DPY19L2: variants seen among roughly 807,000 people sequenced by gnomAD.
The protein encoded by DPY19L2 is dpy-19 like 2.
A neutral mutation model predicts 97.9 loss-of-function variants in DPY19L2; 34 were observed. That is an observed-to-expected ratio of 0.35 (90% CI 0.26 to 0.46). DPY19L2 has a LOEUF of 0.46. DPY19L2 is among the 20% of genes least tolerant of loss of function. DPY19L2 has a pLI of 1.00. For missense variants in DPY19L2, 623 were observed against 911.4 expected (o/e 0.68, Z 4.07); for synonymous variants, 230 against 307.9 (o/e 0.75, Z 2.65).
At chr12:63,627,473 C>A (rs1398534993) in intron 6 of DPY19L2, among the ~76,000 whole-genome samples, 1 of 152,098 alleles carries the variant, frequency 6.6e-6, no homozygotes, top group East Asian at 1.9e-4. Flanking sequence ...GCCTCAGCCT[C>A]CCGAGTAGCT....
At chr12:63,663,624 A>G (rs1335473124) in intron 3 of DPY19L2, 134 bp downstream of exon 3, 3 of 708,996 alleles carry the variant, frequency 4.2e-6, no homozygotes, top group Non-Finnish European at 6.9e-6. Flanking sequence ...TTACTATTTA[A>G]ATAATAAACC....
intron 3 of DPY19L2, among the ~76,000 whole-genome samples, chr12:63,663,232 C>T (rs962736527): frequency 3.9e-5 from 6 of 152,086 alleles, no homozygotes; most frequent in African/African-American, 1.4e-4. Context: ...TTGGCATTTG[C>T]TATCCCGCTT....
At chr12:63,606,680 T>A (rs1165539588) in intron 12 of DPY19L2, among the ~76,000 whole-genome samples, 1 of 152,116 alleles carries the variant, frequency 6.6e-6, no homozygotes, top group East Asian at 1.9e-4. Flanking sequence ...CTAGGTGAAA[T>A]TTTGAATCTA....
chr12:63,655,871 G>C (rs941360202), intron 4 of DPY19L2, among the ~76,000 whole-genome samples: 1 of 152,194 alleles, frequency 6.6e-6, no homozygotes. Flanking sequence ...TAAAATGTCT[G>C]TAAGCAATTG....
chr12:63,644,324 T>A lies in DPY19L2; in HGVS notation c.803+79A>T, dbSNP rs905108217. ...GATATGAATCTAATCTCATTAATTT[T>A]CCTTTTCATTTAATCAACAAATATC... On this transcript the variant is annotated intron_variant, in intron 6 of 21. Coordinates refer to ENST00000324472, the MANE Select transcript of DPY19L2 (RefSeq NM_173812.5). The A allele has an allele frequency of 4.0e-5, 61 of 1,520,078 alleles. No individual in the cohort carries two copies. The African/African-American group carries it at 7.4e-4, about 18-fold the overall frequency. 94.2% of individuals were successfully genotyped at this position (1,520,078 alleles called of 1,614,324 possible).
intron 9 of DPY19L2, among the ~76,000 whole-genome samples, chr12:63,618,941 T>C (rs576638698): frequency 2.7e-4 from 41 of 152,254 alleles, no homozygotes; most frequent in African/African-American, 9.9e-4. Context: ...AATAAATATG[T>C]TATGCTTTGT....
At chr12:63,611,732 AAAATT>A (rs1218286750) in intron 11 of DPY19L2, among the ~76,000 whole-genome samples, 1 of 152,148 alleles carries the variant, frequency 6.6e-6, no homozygotes, top group Non-Finnish European at 1.5e-5. Flanking sequence ...GTAACTATCC[AAAATT>A]AAATTAAGAA....
chr12:63,629,837 AG>A (rs1226958259), intron 6 of DPY19L2, among the ~76,000 whole-genome samples: 1 of 152,194 alleles, frequency 6.6e-6, no homozygotes, highest in African/African-American at 2.4e-5. Context: ...TTACCCACAA[AG>A]GGAAGCCCAT....
At chr12:63,569,514 C>A in intron 20 of DPY19L2, 165 bp from the exon 21 acceptor site, 2 of 467,728 alleles carry the variant, frequency 4.3e-6, no homozygotes, top group South Asian at 5.7e-5. Context: ...TTTCCACATT[C>A]CTACTTATAT....
rs1442138090 is a variant in DPY19L2 at position 63,608,494 on chromosome 12, T to G, written c.1278+122A>C. ...TATCTACCTTAGATAGTAACTATTT[T>G]TAAGACAGTAGCTATTTATTAACTA... On this transcript the variant is annotated intron_variant, in intron 12 of 21. Coordinates refer to ENST00000324472, the MANE Select transcript of DPY19L2 (RefSeq NM_173812.5). 13 of 931,288 alleles carry G rather than the reference T, an allele frequency of 1.4e-5. 1 individual carries two copies. Among genetic ancestry groups the G allele is most frequent in the Non-Finnish European group, 2.1e-5 (13 of 622,070 alleles). 57.7% of individuals were successfully genotyped at this position (931,288 alleles called of 1,614,324 possible).
At chr12:63,610,875 A>AAAAAAAAAAAAAAAAAAAAAAAAAAAC (rs1367187433) in intron 11 of DPY19L2, among the ~76,000 whole-genome samples, 2 of 103,494 alleles carry the variant, frequency 1.9e-5, no homozygotes, top group East Asian at 4.4e-4. Context: ...AAAAAAAAAA[A>AAAAAAAAAAAAAAAAAAAAAAAAAAAC]CCACACACAC....
chr12:63,640,869 G>T (rs1350522377), intron 6 of DPY19L2, among the ~76,000 whole-genome samples: 2 of 151,998 alleles, frequency 1.3e-5, no homozygotes, highest in Non-Finnish European at 2.9e-5. Flanking sequence ...TTCAAAAATA[G>T]AACTTATTTA....
chr12:63,637,198 C>A (rs549562015), intron 6 of DPY19L2, among the ~76,000 whole-genome samples: 1 of 151,962 alleles, frequency 6.6e-6, no homozygotes, highest in Non-Finnish European at 1.5e-5. Flanking sequence ...GGGTACATAA[C>A]GAAATGAAAG....
intron 11 of DPY19L2, among the ~76,000 whole-genome samples, chr12:63,616,699 T>A (rs1461668292): frequency 6.6e-6 from 1 of 152,170 alleles, no homozygotes; most frequent in Non-Finnish European, 1.5e-5. Context: ...TTATTCTAAT[T>A]ATCTTGCCAT....
intron 16 of DPY19L2, among the ~76,000 whole-genome samples, chr12:63,592,500 C>A (rs1186815727): frequency 6.7e-6 from 1 of 149,860 alleles, no homozygotes; most frequent in African/African-American, 2.5e-5. Context: ...CTACAACTAT[C>A]TGATCTTTGA....
At chr12:63,591,072 T>C (rs1414519390) in intron 16 of DPY19L2, 1 of 455,910 alleles carries the variant, frequency 2.2e-6, no homozygotes. Flanking sequence ...GTGTCCAGGG[T>C]TCTCCATTCA....
At chr12:63,613,179 A>G (rs1322873055) in intron 11 of DPY19L2, among the ~76,000 whole-genome samples, 5 of 152,134 alleles carry the variant, frequency 3.3e-5, no homozygotes, top group African/African-American at 4.8e-5. Flanking sequence ...ATGATACCAA[A>G]AAAGACAAAG....
chr12:63,668,032 T>TAGG, intron 1 of DPY19L2, 25 bp downstream of exon 1: 1 of 1,607,492 alleles, frequency 6.2e-7, no homozygotes, highest in Non-Finnish European at 8.5e-7. Flanking sequence ...GGCTCCCTCC[T>TAGG]AGGGCTCTCC....
At chr12:63,617,254 A>G (rs752201442) in intron 11 of DPY19L2, 50 bp downstream of exon 11, 15 of 1,183,546 alleles carry the variant, frequency 1.3e-5, no homozygotes, top group Non-Finnish European at 1.7e-5. Context: ...ACAGGAAAAC[A>G]TGCTATTTGG....
Sources: allele counts gnomAD v4.1 joint callset (sites outside exome capture counted in the v4.1 genomes callset), GRCh38; gene constraint gnomAD v4.1.1; transcripts MANE v1.5; gene names NCBI Gene and HGNC (gene_info 2026-07-23, HGNC 2026-07-21).